CSMD1: variants seen among roughly 807,000 people sequenced by gnomAD.
CSMD1 encodes CUB and Sushi multiple domains 1.
Under a neutral mutation model 417.5 loss-of-function variants are expected in CSMD1, and 213 were observed. The ratio of observed to expected loss-of-function variants is 0.51; its 90% CI spans 0.46 to 0.57. The LOEUF is 0.57. Among genes scored for constraint, CSMD1 ranks in the 20% least tolerant of loss-of-function variants. CSMD1 has a pLI of 0.00. For missense variants in CSMD1, 6,923 were observed against 4,529.7 expected (o/e 1.53, Z -15.17); for synonymous variants, 2,862 against 1,736.8 (o/e 1.65, Z -16.11).
At chr8:3,930,294 A>T (rs1383646859) in intron 5 of CSMD1, among the ~76,000 whole-genome samples, 1 of 150,352 alleles carries the variant, frequency 6.7e-6, no homozygotes, top group African/African-American at 2.5e-5. Context: ...CTTAGAAGCA[A>T]ACTTTATTCA....
intron 2 of CSMD1, among the ~76,000 whole-genome samples, chr8:4,422,627 G>A (rs1263609685): frequency 6.6e-6 from 1 of 151,972 alleles, no homozygotes; most frequent in Admixed American, 6.6e-5. Flanking sequence ...CCAGAACTGT[G>A]AAAAAATAAA....
At chr8:3,238,574 G>A (rs896552824) in intron 26 of CSMD1, among the ~76,000 whole-genome samples, 3 of 152,126 alleles carry the variant, frequency 2.0e-5, no homozygotes, top group Non-Finnish European at 4.4e-5. Flanking sequence ...AGATGAAGCT[G>A]AAGGAAGATT....
At chr8:4,236,048 T>TG (rs1563316668) in intron 3 of CSMD1, among the ~76,000 whole-genome samples, 3 of 40,650 alleles carry the variant, frequency 7.4e-5, no homozygotes, top group African/African-American at 1.7e-4. Flanking sequence ...TGTTTTTTTT[T>TG]TTTTTTTTTT....
intron 2 of CSMD1, among the ~76,000 whole-genome samples, chr8:4,578,565 T>C (rs1428414997): frequency 6.6e-6 from 1 of 151,454 alleles, no homozygotes; most frequent in Non-Finnish European, 1.5e-5. Context: ...GCCTGTAATC[T>C]CGGCATTTTG....
At chr8:3,335,621 A>C (rs934964289) in intron 23 of CSMD1, among the ~76,000 whole-genome samples, 2 of 152,184 alleles carry the variant, frequency 1.3e-5, no homozygotes, top group African/African-American at 4.8e-5. Context: ...AAGTGCAATG[A>C]GTCGAGCTCG....
chr8:3,714,640 G>T (rs569095030), intron 6 of CSMD1, among the ~76,000 whole-genome samples: 10 of 150,862 alleles, frequency 6.6e-5, no homozygotes, highest in African/African-American at 2.4e-4. Flanking sequence ...GGGAGGCTGA[G>T]GAACTAGAAT....
At chr8:3,407,421 A>G (rs1381190617) in intron 14 of CSMD1, among the ~76,000 whole-genome samples, 1 of 151,826 alleles carries the variant, frequency 6.6e-6, no homozygotes, top group Admixed American at 6.6e-5. Context: ...GGATGGAAGG[A>G]TGGATGGATA....
chr8:3,910,399 C>A lies in CSMD1; in HGVS notation c.818+87504G>T, dbSNP rs74777186. Among the ~76,000 whole-genome samples the A allele has an allele frequency of 9.7e-3, 1,482 of 152,254 alleles. 26 individuals are homozygous for A. The highest frequency in any genetic ancestry group is 0.033 in the African/African-American group (1,377 of 41,548). ...CCAGGAAGAGACTCTGAAGATGCTG[C>A]CCTGTCTGCCGTCAAGACGCTTAAT... On this transcript the variant is annotated intron_variant, in intron 5 of 69. Transcript: ENST00000635120.
intron 23 of CSMD1, among the ~76,000 whole-genome samples, chr8:3,309,399 A>G (rs560414438): frequency 7.7e-5 from 11 of 143,680 alleles, no homozygotes; most frequent in African/African-American, 2.4e-4. Context: ...TCTTGAGGAA[A>G]TCCACACAAC....
intron 2 of CSMD1, among the ~76,000 whole-genome samples, chr8:4,533,818 A>G (rs1182386494): frequency 6.6e-6 from 1 of 151,400 alleles, no homozygotes; most frequent in African/African-American, 2.4e-5. Context: ...TTATATTTAT[A>G]TAAAGTTTTA....
intron 23 of CSMD1, among the ~76,000 whole-genome samples, chr8:3,315,415 G>T (rs528413782): frequency 1.1e-3 from 160 of 147,252 alleles, no homozygotes; most frequent in African/African-American, 3.3e-3. Context: ...CTTTATTCAA[G>T]AATGAAATTC....
intron 2 of CSMD1, among the ~76,000 whole-genome samples, chr8:4,526,494 G>C (rs1348101153): frequency 6.6e-6 from 1 of 152,122 alleles, no homozygotes; most frequent in African/African-American, 2.4e-5. Context: ...GTGCAAGCAA[G>C]AATACACACT....
At chr8:3,623,539 T>C (rs1028731942) in intron 7 of CSMD1, among the ~76,000 whole-genome samples, 39 of 152,240 alleles carry the variant, frequency 2.6e-4, no homozygotes, top group African/African-American at 8.2e-4. Flanking sequence ...ATTACAATGA[T>C]ACAAAATTAA....
chr8:3,728,730 T>G (rs1563317262), intron 6 of CSMD1, among the ~76,000 whole-genome samples: 1 of 152,158 alleles, frequency 6.6e-6, no homozygotes, highest in Non-Finnish European at 1.5e-5. Flanking sequence ...ATGGTGGGCA[T>G]GGTCTGTCTT....
chr8:3,881,623 C>CA (rs1334678283), intron 5 of CSMD1, among the ~76,000 whole-genome samples: 3 of 124,762 alleles, frequency 2.4e-5, no homozygotes, highest in African/African-American at 7.0e-5. Flanking sequence ...AAAAAAAAAA[C>CA]AAAAACAAAA....
intron 7 of CSMD1, among the ~76,000 whole-genome samples, chr8:3,670,133 G>A (rs1468929032): frequency 1.3e-5 from 2 of 152,006 alleles, no homozygotes; most frequent in East Asian, 1.9e-4. Flanking sequence ...CTCTGAGGGT[G>A]ATGCCAAAGG....
intron 20 of CSMD1, among the ~76,000 whole-genome samples, chr8:3,361,095 T>C (rs1299039982): frequency 6.6e-6 from 1 of 152,196 alleles, no homozygotes; most frequent in Non-Finnish European, 1.5e-5. Context: ...ATATACTTAT[T>C]AATTTGACTT....
intron 41 of CSMD1, among the ~76,000 whole-genome samples, chr8:3,131,207 AAAC>A: frequency 6.6e-6 from 1 of 152,312 alleles, no homozygotes; most frequent in African/African-American, 2.4e-5. Context: ...TTATTTCACT[AAAC>A]AACACATGGC....
chr8:4,755,337 G>A (rs1323383523), intron 1 of CSMD1, among the ~76,000 whole-genome samples: 4 of 151,910 alleles, frequency 2.6e-5, no homozygotes, highest in South Asian at 2.1e-4. Context: ...TTTTCCTTTT[G>A]GGATATTATC....
Sources: allele counts gnomAD v4.1 joint callset (sites outside exome capture counted in the v4.1 genomes callset), GRCh38; gene constraint gnomAD v4.1.1; transcripts MANE v1.5; gene names NCBI Gene and HGNC (gene_info 2026-07-23, HGNC 2026-07-21).